The following RPS3 variants were observed in gnomAD, a reference collection of about 807,000 sequenced individuals.
RPS3 encodes the protein small ribosomal subunit protein uS3.
Under a neutral mutation model 25.8 loss-of-function variants are expected in RPS3, and 2 were observed. The observed-to-expected ratio is 0.08, with a 90% CI of 0.03 to 0.24. The LOEUF (loss-of-function observed/expected upper bound fraction) is 0.24, where lower values mean the gene tolerates loss of function less well. RPS3 is among the 10% of genes least tolerant of loss of function. The pLI is 1.00. For missense variants in RPS3, 107 were observed against 307.1 expected, an observed-to-expected ratio of 0.35 and a Z score of 4.87; for synonymous variants, 114 against 114.2, an observed-to-expected ratio of 1.00 and a Z score of 0.01.
intron 6 of RPS3, among the ~76,000 whole-genome samples, chr11:75,419,368 A>C (rs1249781743): frequency 2.0e-5 from 3 of 152,122 alleles, no homozygotes; most frequent in African/African-American, 4.8e-5. Flanking sequence ...AGCCTGACCA[A>C]CATGGTGAAA....
chr11:75,405,921 G>T lies in RPS3; in HGVS notation c.*311G>T. On this transcript the variant is annotated 3_prime_UTR_variant, in exon 7 of 7. Transcript: ENST00000531188. ...GTTCAGGATTGTAGGTTTAGAAGAG[G>T]GATATGTTTGAGTTTTTCCTATGCA... The T allele has an allele frequency of 4.7e-6, 1 of 210,672 alleles. No homozygotes were observed. Among genetic ancestry groups the T allele is most frequent in the Non-Finnish European group, 9.8e-6 (1 of 102,218 alleles). The allele number at this position is 210,672 out of a possible 1,614,324, so 13.1% of individuals were successfully genotyped here. A position where few individuals can be genotyped will look rare whatever the true frequency, so the allele number is the denominator to read the frequency against.
chr11:75,405,700 C>T lies in RPS3; in HGVS notation c.*90C>T, dbSNP rs1383221632. On this transcript the variant is annotated 3_prime_UTR_variant, in exon 7 of 7. Transcript: ENST00000531188. ...TTTTGTACAAAGACACAAGGTCTGA[C>T]TAGACTGTTCAGTATTCAGACTGAG... is the stretch of plus-strand genomic sequence containing the variant. 4.4e-6 allele frequency: 2 copies of T among 454,786 alleles called. No individual in the cohort carries two copies. Among genetic ancestry groups the T allele is most frequent in the Non-Finnish European group, 8.8e-6 (2 of 226,512 alleles). 28.2% of individuals were successfully genotyped at this position (454,786 alleles called of 1,614,324 possible).
At chr11:75,416,892 TCTC>T (rs1177238151) in intron 6 of RPS3, among the ~76,000 whole-genome samples, 3 of 152,322 alleles carry the variant, frequency 2.0e-5, no homozygotes, top group East Asian at 1.9e-4. Flanking sequence ...TTCTTACTGT[TCTC>T]CTCAGGGACA....
At chr11:75,400,279 TCTA>T in intron 1 of RPS3, 1 of 451,422 alleles carries the variant, frequency 2.2e-6, no homozygotes, top group Middle Eastern at 8.2e-4. Context: ...ATATGTTAAG[TCTA>T]CTATCTATTC....
In RPS3 at chr11:75,405,594, T is replaced by C; in HGVS notation, c.*4-20T>C. The C allele has an allele frequency of 2.2e-6, 1 of 455,482 alleles. No individual in the cohort carries two copies. Among genetic ancestry groups the C allele is most frequent in the South Asian group, 1.5e-5 (1 of 64,518 alleles). The allele number at this position is 455,482 out of a possible 1,614,324, so 28.2% of individuals were successfully genotyped here. A position where few individuals can be genotyped will look rare whatever the true frequency, so the allele number is the denominator to read the frequency against. ...TAACTCTGGTAAAGTTTCTTACTTT[T>C]GTGCTTTATTTGGTTTCAGGGTCTC... On this transcript the variant is annotated intron_variant, in intron 6 of 6. Coordinates refer to ENST00000531188, the MANE Select transcript of RPS3 (RefSeq NM_001005.5).
intron 6 of RPS3, among the ~76,000 whole-genome samples, chr11:75,420,622 G>A (rs1444530226): frequency 6.6e-6 from 1 of 152,108 alleles, no homozygotes; most frequent in Non-Finnish European, 1.5e-5. Flanking sequence ...GGCGGCAATA[G>A]TGCCTGCCTT....
intron 6 of RPS3, among the ~76,000 whole-genome samples, chr11:75,414,222 A>C (rs1948379195): frequency 6.6e-6 from 1 of 152,118 alleles, no homozygotes. Context: ...GGTGGCCAAA[A>C]CCATGTTGTG....
At chr11:75,407,313 T>G (rs921857365), downstream of RPS3, among the ~76,000 whole-genome samples, 90 of 151,780 alleles carry the variant, frequency 5.9e-4, no homozygotes, top group African/African-American at 2.1e-3. Flanking sequence ...AATTTTTGTA[T>G]TTTTAGTAGA....
At chr11:75,409,859 G>T (rs1948328586), downstream of RPS3, among the ~76,000 whole-genome samples, 1 of 148,214 alleles carries the variant, frequency 6.7e-6, no homozygotes, top group African/African-American at 2.5e-5. Flanking sequence ...TGGCCGGGCA[G>T]AGGGGTCCTC....
At chr11:75,408,694 C>T (rs551189603), downstream of RPS3, among the ~76,000 whole-genome samples, 9 of 152,080 alleles carry the variant, frequency 5.9e-5, no homozygotes, top group East Asian at 7.8e-4. Context: ...TACAGAAGGC[C>T]GCCACCACTC....
At chr11:75,403,289 G>A (rs1948237849) in intron 4 of RPS3, 1 of 152,268 alleles carries the variant, frequency 6.6e-6, no homozygotes, top group East Asian at 1.9e-4. Flanking sequence ...TCAGCAATCT[G>A]TCTTAATAAC....
rs1452644653 is a variant in RPS3 at position 75,404,104 on chromosome 11, G to A, written c.435G>A (p.Gln145=). 1 of 1,614,144 alleles carries A rather than the reference G, an allele frequency of 6.2e-7. No homozygotes were observed. The highest frequency in any genetic ancestry group is 1.1e-5 in the South Asian group (1 of 91,082). The change falls in exon 5 of 7, where the codon CAG becomes CAA. Residue 145 remains glutamine, a synonymous_variant. Transcript: ENST00000531188. The surrounding 1 kb of genome is among the most constrained non-coding windows in gnomAD (Gnocchi z 4.6). ...EVVVSGKLRG[Q]RAKSMKFVDG... is the part of the protein sequence containing the mutation. ...TGGTGTCTGGGAAACTCCGAGGACAGAGGGCTAAATCCATGAAGTTTGTGG... is the reference window on the plus strand; with the variant it reads ...TGGTGTCTGGGAAACTCCGAGGACAAAGGGCTAAATCCATGAAGTTTGTGG...
chr11:75,401,017 G>A (rs569313602), intron 2 of RPS3, among the ~76,000 whole-genome samples, 193 bp downstream of exon 2: 17 of 152,204 alleles, frequency 1.1e-4, no homozygotes, highest in African/African-American at 4.1e-4. Context: ...CGAGTAGCTG[G>A]GACTATAGGC....
At position 75,406,105 on chromosome 11, in the gene RPS3, A is replaced by C. The variant is rs1264406945; in HGVS notation, c.*495A>C. 1 of 154,068 alleles carries C rather than the reference A, an allele frequency of 6.5e-6. No homozygotes were observed. The allele number at this position is 154,068 out of a possible 1,614,324, so 9.5% of individuals were successfully genotyped here. A position where few individuals can be genotyped will look rare whatever the true frequency, so the allele number is the denominator to read the frequency against. On this transcript the variant is annotated 3_prime_UTR_variant, in exon 7 of 7. Coordinates refer to ENST00000531188, the MANE Select transcript of RPS3 (RefSeq NM_001005.5). ...ACCACTGAAGGCACATAAGGCTCAGAAGTAAATTTGCCTAAGCAGTATAAA... is the reference window on the plus strand; with the variant it reads ...ACCACTGAAGGCACATAAGGCTCAGCAGTAAATTTGCCTAAGCAGTATAAA...
intron 6 of RPS3, among the ~76,000 whole-genome samples, chr11:75,417,251 T>C (rs1200432425): frequency 1.3e-5 from 2 of 151,794 alleles, no homozygotes; most frequent in Admixed American, 6.6e-5. Context: ...GGGAGAATCA[T>C]TTGAGCTTAG....
At chr11:75,410,577 C>A (rs567098154), downstream of RPS3, among the ~76,000 whole-genome samples, 110 of 152,224 alleles carry the variant, frequency 7.2e-4, no homozygotes, top group African/African-American at 2.6e-3. Flanking sequence ...CCTCACTTCC[C>A]AGACGGGGTG....
intron 6 of RPS3, among the ~76,000 whole-genome samples, chr11:75,420,049 A>C (rs1948430058): frequency 6.6e-6 from 1 of 152,256 alleles, no homozygotes; most frequent in Non-Finnish European, 1.5e-5. Flanking sequence ...GTATACCACG[A>C]GTGAAGTCTC....
At position 75,402,244 on chromosome 11, in the gene RPS3, G is replaced by C. The variant is rs542416210; in HGVS notation, c.256-108G>C. ...CTGGGCAGCATGCGGCCCGTGGGTT[G>C]GGCAAGCTTGGTGTAGAAAGTGATA... On this transcript the variant is annotated intron_variant, in intron 3 of 6. Coordinates refer to ENST00000531188, the MANE Select transcript of RPS3 (RefSeq NM_001005.5). 1.1e-4 allele frequency: 168 copies of C among 1,551,690 alleles called. No homozygotes were observed. The African/African-American group carries it at 2.0e-3, about 18-fold the overall frequency.
rs969939002 is a variant in RPS3 at position 75,405,598 on chromosome 11, C to T, written c.*4-16C>T. The stretch of plus-strand genomic sequence containing the variant: ...TCTGGTAAAGTTTCTTACTTTTGTG[C>T]TTTATTTGGTTTCAGGGTCTCCTTG... On this transcript the variant is annotated splice_polypyrimidine_tract_variant and intron_variant, in intron 6 of 6. Transcript: ENST00000531188. The T allele has an allele frequency of 6.6e-6, 3 of 455,350 alleles. No individual in the cohort carries two copies. In the Admixed American group the frequency reaches 7.1e-5, roughly 11 times the overall value. The allele number at this position is 455,350 out of a possible 1,614,324, so 28.2% of individuals were successfully genotyped here.
Sources: allele counts gnomAD v4.1 joint callset (sites outside exome capture counted in the v4.1 genomes callset), GRCh38; gene constraint gnomAD v4.1.1; non-coding constraint Gnocchi (gnomAD v3.1); transcripts MANE v1.5; gene names NCBI Gene and HGNC (gene_info 2026-07-23, HGNC 2026-07-21).